Variants in KIAA1671 observed in about 807,000 individuals in gnomAD.
KIAA1671 encodes KIAA1671.
A neutral mutation model predicts 131.2 loss-of-function variants in KIAA1671; 52 were observed. That is an observed-to-expected ratio of 0.40 (90% confidence interval 0.32 to 0.50). The LOEUF (loss-of-function observed/expected upper bound fraction) is 0.50, where lower values mean the gene tolerates loss of function less well. Among genes scored for constraint, KIAA1671 ranks in the 20% least tolerant of loss-of-function variants. The probability of loss-of-function intolerance (pLI) is 0.73; values close to 1 mark genes in which losing one functional copy is unlikely to be tolerated. For missense variants in KIAA1671, 2,360 were observed against 2,364.2 expected (o/e 1.00, Z 0.04); for synonymous variants, 1,003 against 961.6 (o/e 1.04, Z -0.80).
chr22:25,104,211 T>G (rs936399234), intron 6 of KIAA1671, among the ~76,000 whole-genome samples: 4 of 151,638 alleles, frequency 2.6e-5, no homozygotes, highest in Non-Finnish European at 4.4e-5. Flanking sequence ...ACTCCTGACC[T>G]CAGGTGATCC....
intron 6 of KIAA1671, chr22:25,063,885 C>G (rs2145839181): frequency 6.6e-6 from 1 of 152,228 alleles, no homozygotes; most frequent in Admixed American, 6.5e-5. Context: ...GCTGTTTCCT[C>G]AACTGTAAAC....
intron 12 of KIAA1671, among the ~76,000 whole-genome samples, chr22:25,191,957 G>GTA (rs1474155657): frequency 1.3e-5 from 2 of 152,068 alleles, no homozygotes; most frequent in East Asian, 1.9e-4. Flanking sequence ...TGTTACATAT[G>GTA]TATATATATA....
chr22:25,149,451 G>T (rs1476648425), intron 6 of KIAA1671, among the ~76,000 whole-genome samples: 1 of 152,056 alleles, frequency 6.6e-6, no homozygotes, highest in African/African-American at 2.4e-5. Context: ...ATTTTCTGGG[G>T]TGCTGATCAC....
chr22:25,042,836 G>A (rs1458248601), intron 5 of KIAA1671, among the ~76,000 whole-genome samples: 1 of 152,104 alleles, frequency 6.6e-6, no homozygotes, highest in Non-Finnish European at 1.5e-5. Context: ...AAGTGAGGCA[G>A]GTGCTACAGG....
intron 1 of KIAA1671, among the ~76,000 whole-genome samples, chr22:24,975,954 C>A (rs1188885154): frequency 6.6e-6 from 1 of 152,224 alleles, no homozygotes; most frequent in Non-Finnish European, 1.5e-5. Context: ...GCACCATCCA[C>A]ACTCCCCGCC....
chr22:25,102,208 A>G (rs746729972), intron 6 of KIAA1671, among the ~76,000 whole-genome samples: 5 of 152,210 alleles, frequency 3.3e-5, no homozygotes, highest in Non-Finnish European at 7.3e-5. Flanking sequence ...AGTTCAGATC[A>G]TGCACATTTC....
At chr22:25,181,519 G>A (rs1250697403) in intron 9 of KIAA1671, among the ~76,000 whole-genome samples, 180 bp from the exon 10 acceptor site, 2 of 152,220 alleles carry the variant, frequency 1.3e-5, no homozygotes, top group African/African-American at 4.8e-5. Flanking sequence ...GCAGAGTTGT[G>A]AGAAGAGAGA....
chr22:25,181,603 A>G (rs1934278226), intron 9 of KIAA1671, 96 bp from the exon 10 acceptor site: 1 of 1,442,738 alleles, frequency 6.9e-7, no homozygotes, highest in African/African-American at 1.4e-5. Context: ...GTCTGATGTG[A>G]GCATTGCATG....
intron 7 of KIAA1671, among the ~76,000 whole-genome samples, chr22:25,173,446 AAT>A (rs1354961931): frequency 6.6e-6 from 1 of 152,170 alleles, no homozygotes; most frequent in East Asian, 1.9e-4. Flanking sequence ...AAGTGAATGA[AAT>A]AATGCAGGTC....
At chr22:24,975,762 A>G (rs193225067) in intron 1 of KIAA1671, among the ~76,000 whole-genome samples, 64 of 152,324 alleles carry the variant, frequency 4.2e-4, no homozygotes, top group Non-Finnish European at 7.9e-4. Flanking sequence ...ACTGAGGCTC[A>G]GAGAGGGAAT....
At chr22:25,127,882 T>C (rs1359620437) in intron 6 of KIAA1671, among the ~76,000 whole-genome samples, 3 of 152,136 alleles carry the variant, frequency 2.0e-5, no homozygotes, top group Non-Finnish European at 4.4e-5. Context: ...GGTTGAAAAA[T>C]GGTTTCTGAG....
chr22:25,116,425 A>ACG (rs1568964812), intron 6 of KIAA1671, among the ~76,000 whole-genome samples: 9 of 150,268 alleles, frequency 6.0e-5, no homozygotes, highest in African/African-American at 2.2e-4. Flanking sequence ...GTATGTATGT[A>ACG]TGTATGTACG....
At chr22:25,095,799 C>G (rs1930365803) in intron 6 of KIAA1671, among the ~76,000 whole-genome samples, 2 of 152,256 alleles carry the variant, frequency 1.3e-5, no homozygotes, top group Non-Finnish European at 1.5e-5. Context: ...GGTTCTGTTT[C>G]CTGATCCTTT....
At chr22:25,162,612 C>A (rs138054733) in intron 6 of KIAA1671, among the ~76,000 whole-genome samples, 1 of 152,324 alleles carries the variant, frequency 6.6e-6, no homozygotes, top group African/African-American at 2.4e-5. Context: ...AATGTTTATT[C>A]CACAACTACT....
At position 25,162,099 on chromosome 22, in the gene KIAA1671, A is replaced by G. The variant is rs188394084; in HGVS notation, c.4531-8721A>G. 7.8e-4 allele frequency among the ~76,000 whole-genome samples: 119 copies of G among 152,242 alleles called. No individual in the cohort carries two copies. In the East Asian group the frequency reaches 0.017, roughly 22 times the overall value. ...GGGCCTCAGTCTCCTCCTCTGTGAA[A>G]TGGGTTCCTCATGGTTCCTACTTTA... On this transcript the variant is annotated intron_variant, in intron 6 of 12. Transcript: ENST00000358431.
chr22:25,019,763 T>C (rs1602071857), intron 1 of KIAA1671, among the ~76,000 whole-genome samples: 2 of 152,288 alleles, frequency 1.3e-5, no homozygotes, highest in East Asian at 3.9e-4. Flanking sequence ...CCCCTTACCT[T>C]TGGCTGAGAT....
intron 1 of KIAA1671, among the ~76,000 whole-genome samples, chr22:25,006,156 C>T (rs752152054): frequency 6.6e-6 from 1 of 152,224 alleles, no homozygotes; most frequent in East Asian, 1.9e-4. Context: ...CTCAGCCTCC[C>T]GAGTAGCTGG....
At chr22:24,991,623 ATTTTT>A (rs34846801) in intron 1 of KIAA1671, among the ~76,000 whole-genome samples, 4 of 128,888 alleles carry the variant, frequency 3.1e-5, no homozygotes, top group Non-Finnish European at 6.4e-5. Context: ...CGCCCGGCTA[ATTTTT>A]TTTTTTTTTT....
chr22:25,070,452 G>A, intron 6 of KIAA1671: 1 of 434,972 alleles, frequency 2.3e-6, no homozygotes, highest in Non-Finnish European at 4.2e-6. Flanking sequence ...TCCAGGACGG[G>A]GTCACGTCCT....
Sources: allele counts gnomAD v4.1 joint callset (sites outside exome capture counted in the v4.1 genomes callset), GRCh38; gene constraint gnomAD v4.1.1; transcripts MANE v1.5; gene names NCBI Gene and HGNC (gene_info 2026-07-23, HGNC 2026-07-21).